Variants in EPO observed in about 807,000 individuals in gnomAD.
EPO encodes the protein erythropoietin.
EPO carries 12 observed loss-of-function variants against 24.4 expected under a neutral mutation model. The observed-to-expected ratio is 0.49, with a 90% CI of 0.32 to 0.80. The LOEUF (loss-of-function observed/expected upper bound fraction) is 0.80, where lower values mean the gene tolerates loss of function less well. Among genes scored for constraint, EPO ranks in the 30% least tolerant of loss-of-function variants. EPO has a pLI of 0.04. For synonymous variants in EPO, 107 were observed against 104.0 expected, an observed-to-expected ratio of 1.03 and a Z score of -0.18; for missense variants, 210 against 238.0, an observed-to-expected ratio of 0.88 and a Z score of 0.77.
rs762488723 is a variant in EPO, at chr7:100,722,788, A to G, written c.371A>G (p.Lys124Arg). The G allele has an allele frequency of 6.2e-7, 1 of 1,614,066 alleles. No homozygotes were observed. The highest frequency in any genetic ancestry group is 8.5e-7 in the Non-Finnish European group (1 of 1,180,006). The change falls in exon 4 of 5, where the codon AAA (lysine) becomes AGA (arginine). Residue 124 changes from lysine to arginine, a missense_variant. Transcript: ENST00000252723. ...GAGCCCCTGCAGCTGCATGTGGATA[A>G]AGCCGTCAGTGGCCTTCGCAGCCTC... is the stretch of plus-strand genomic sequence containing the variant. ...PWEPLQLHVD[K>R]AVSGLRSLTT...
chr7:100,720,828 C>T lies in EPO; in HGVS notation c.-153C>T. 3 of 931,380 alleles carry T rather than the reference C, an allele frequency of 3.2e-6. No homozygotes were observed. Among genetic ancestry groups the T allele is most frequent in the Non-Finnish European group, 4.3e-6 (3 of 696,496 alleles). 57.7% of individuals were successfully genotyped at this position (931,380 alleles called of 1,614,324 possible). A position where few individuals can be genotyped will look rare whatever the true frequency, so the allele number is the denominator to read the frequency against. ...GGAGCCGGACCGGGGCCACCGCGCC[C>T]GCTCTGCTCCGACACCGCGCCCCCT... On this transcript the variant is annotated 5_prime_UTR_variant, in exon 1 of 5. Transcript: ENST00000252723.
rs78182250 is a variant in EPO at position 100,723,400 on chromosome 7, C to G, written c.*267C>G. 16,367 of 376,740 alleles carry G rather than the reference C, an allele frequency of 0.043. 524 individuals are homozygous for G. Among genetic ancestry groups the G allele is most frequent in the Middle Eastern group, 0.15 (209 of 1,384 alleles). 23.3% of individuals were successfully genotyped at this position (376,740 alleles called of 1,614,324 possible). A position where few individuals can be genotyped will look rare whatever the true frequency, so the allele number is the denominator to read the frequency against. On this transcript the variant is annotated 3_prime_UTR_variant, in exon 5 of 5. Coordinates refer to ENST00000252723, the MANE Select transcript of EPO (RefSeq NM_000799.4). ...GCAGCTTTAAACTCAGGGACAGAGC[C>G]ATGCTGGGAAGACGCCTGAGCTCAC...
Position 100,723,459 on chromosome 7 carries a change from C to A in EPO, c.*326C>A, listed in dbSNP as rs984809541. 3.5e-5 allele frequency: 8 copies of A among 228,370 alleles called. No individual in the cohort carries two copies. The highest frequency in any genetic ancestry group is 6.0e-5 in the Non-Finnish European group (7 of 117,026). The allele number at this position is 228,370 out of a possible 1,614,324, so 14.1% of individuals were successfully genotyped here. On this transcript the variant is annotated 3_prime_UTR_variant, in exon 5 of 5. Coordinates refer to ENST00000252723, the MANE Select transcript of EPO (RefSeq NM_000799.4). ...CTGCAAAATTTGATGCCAGGACACGCTTTGGAGGCGATTTACCTGTTTTCG... is the reference window on the plus strand; with the variant it reads ...CTGCAAAATTTGATGCCAGGACACGATTTGGAGGCGATTTACCTGTTTTCG...
In EPO at chr7:100,722,053, G is replaced by A; in HGVS notation, c.246+5G>A. On this transcript the variant is annotated splice_donor_5th_base_variant and intron_variant, in intron 3 of 4. Transcript: ENST00000252723. ...TATGCCTGGAAGAGGATGGAGGTGA[G>A]TTCCTTTTTTTTTTTTTTTCCTTTC... 1 of 1,519,180 alleles carries A rather than the reference G, an allele frequency of 6.6e-7. No individual in the cohort carries two copies. The highest frequency in any genetic ancestry group is 8.9e-7 in the Non-Finnish European group (1 of 1,119,448). The allele number at this position is 1,519,180 out of a possible 1,614,324, so 94.1% of individuals were successfully genotyped here.
intron 4 of EPO, 35 bp downstream of exon 4, chr7:100,722,878 T>A: frequency 3.1e-6 from 5 of 1,608,606 alleles, no homozygotes; most frequent in Non-Finnish European, 4.2e-6. Context: ...TTGCCCTTTC[T>A]GTAAGAAGGG....
At position 100,720,813 on chromosome 7, in the gene EPO, C is replaced by T. The variant is rs761765700; in HGVS notation, c.-168C>T. ...CCGCGCTGTCCTCCCGGAGCCGGAC[C>T]GGGGCCACCGCGCCCGCTCTGCTCC... On this transcript the variant is annotated 5_prime_UTR_variant, in exon 1 of 5. Coordinates refer to ENST00000252723, the MANE Select transcript of EPO (RefSeq NM_000799.4). 9 of 771,110 alleles carry T rather than the reference C, an allele frequency of 1.2e-5. No homozygotes were observed. Among genetic ancestry groups the T allele is most frequent in the Non-Finnish European group, 1.1e-5 (6 of 548,768 alleles). The allele number at this position is 771,110 out of a possible 1,614,324, so 47.8% of individuals were successfully genotyped here. A position where few individuals can be genotyped will look rare whatever the true frequency, so the allele number is the denominator to read the frequency against.
In EPO at chr7:100,721,844, G is replaced by T; in HGVS notation, c.160-118G>T. ...GCCCCCCTACATAAGAATAAGTCTG[G>T]TGGCCCCAAACCATACCTGGAAACT... On this transcript the variant is annotated intron_variant, in intron 2 of 4. Coordinates refer to ENST00000252723, the MANE Select transcript of EPO (RefSeq NM_000799.4). The surrounding 1 kb of genome is among the most constrained non-coding windows in gnomAD (Gnocchi z 4.0). 1 of 1,506,626 alleles carries T rather than the reference G, an allele frequency of 6.6e-7. No homozygotes were observed. The allele number at this position is 1,506,626 out of a possible 1,614,324, so 93.3% of individuals were successfully genotyped here.
Position 100,720,552 on chromosome 7 carries a change from C to A in EPO, c.-429C>A, listed in dbSNP as rs933908220. Among the ~76,000 whole-genome samples the A allele has an allele frequency of 1.3e-5, 2 of 152,106 alleles. No homozygotes were observed. Among genetic ancestry groups the A allele is most frequent in the African/African-American group, 4.8e-5 (2 of 41,428 alleles). On this transcript the variant is annotated 5_prime_UTR_variant, in exon 1 of 5. Coordinates refer to ENST00000252723, the MANE Select transcript of EPO (RefSeq NM_000799.4). ...CCCGCGACCCAGGGCCCGGGAGCAG[C>A]CCCCATGACCCACACGCACGTCTGC...
chr7:100,720,951 G>C lies in EPO; in HGVS notation c.-30G>C. 6.4e-7 allele frequency: 1 copy of C among 1,555,666 alleles called. No individual in the cohort carries two copies. Among genetic ancestry groups the C allele is most frequent in the Non-Finnish European group, 8.7e-7 (1 of 1,153,488 alleles). On this transcript the variant is annotated 5_prime_UTR_variant, in exon 1 of 5. Transcript: ENST00000252723. ...GGTGTGGTCACCCGGCGCGCCCCAG[G>C]TCGCTGAGGGACCCCGGCCAGGCGC...
Position 100,723,081 on chromosome 7 carries a change from G to C in EPO, c.530G>C (p.Arg177Pro). ...TTCCGAGTCTACTCCAATTTCCTCC[G>C]GGGAAAGCTGAAGCTGTACACAGGG... is the stretch of plus-strand genomic sequence containing the variant. ...KLFRVYSNFL[R>P]GKLKLYTGEA... Residue 177 changes from arginine (R) to proline (P), a missense_variant, in exon 5 of 5, where the codon CGG becomes CCG. Physicochemically the swap from Arg to Pro is moderately radical, Grantham distance 103. Transcript: ENST00000252723. 1 of 1,614,038 alleles carries C rather than the reference G, an allele frequency of 6.2e-7. No homozygotes were observed. Among genetic ancestry groups the C allele is most frequent in the Non-Finnish European group, 8.5e-7 (1 of 1,180,020 alleles).
chr7:100,722,955 ACCT>A lies in EPO; in HGVS notation c.427-19_427-17del. On this transcript the variant is annotated intron_variant, in intron 4 of 4. Coordinates refer to ENST00000252723, the MANE Select transcript of EPO (RefSeq NM_000799.4). ...CTTCCCTTTCTGTGGCACTGCAGCG[ACCT>A]CCTGTTTTCTCCTTGGCAGAAGGAA... is the stretch of plus-strand genomic sequence containing the variant. 2 of 1,611,910 alleles carry A rather than the reference ACCT, an allele frequency of 1.2e-6. No individual in the cohort carries two copies. Among genetic ancestry groups the A allele is most frequent in the Non-Finnish European group, 1.7e-6 (2 of 1,179,144 alleles).
At position 100,723,038 on chromosome 7, in the gene EPO, G is replaced by C. The variant is rs201326665; in HGVS notation, c.487G>C (p.Asp163His). The change falls in exon 5 of 5, where the codon GAC (aspartate) becomes CAC (histidine). Residue 163 changes from aspartate to histidine, a missense_variant. Transcript: ENST00000252723. The part of the protein sequence containing the change: ...SAAPLRTITA[D>H]TFRKLFRVYS... ...TGCTCCACTCCGAACAATCACTGCT[G>C]ACACTTTCCGCAAACTCTTCCGAGT... 36 of 1,614,116 alleles carry C rather than the reference G, an allele frequency of 2.2e-5. No homozygotes were observed. The East Asian group carries it at 8.0e-4, about 36-fold the overall frequency.
At position 100,721,996 on chromosome 7, in the gene EPO, A is replaced by C. The variant is rs1806747968; in HGVS notation, c.194A>C (p.Asn65Thr). The part of the protein sequence containing the change: ...GCAEHCSLNE[N>T]ITVPDTKVNF... ...GCTGAACACTGCAGCTTGAATGAGA[A>C]TATCACTGTCCCAGACACCAAAGTT... Residue 65 changes from asparagine (N) to threonine (T), a missense_variant, in exon 3 of 5, where the codon AAT (asparagine) becomes ACT (threonine). By Grantham distance (65) the Asn-to-Thr change is moderately conservative (BLOSUM62 0). Transcript: ENST00000252723. The surrounding 1 kb of genome is among the most constrained non-coding windows in gnomAD (Gnocchi z 4.0). The C allele has an allele frequency of 3.1e-6, 5 of 1,613,202 alleles. No individual in the cohort carries two copies. The highest frequency in any genetic ancestry group is 3.4e-6 in the Non-Finnish European group (4 of 1,179,856).
rs1202462499 is a variant in EPO at position 100,721,651 on chromosome 7, G to A, written c.107G>A (p.Ser36Asn). The A allele has an allele frequency of 6.2e-7, 1 of 1,613,378 alleles. No homozygotes were observed. Among genetic ancestry groups the A allele is most frequent in the Non-Finnish European group, 8.5e-7 (1 of 1,180,010 alleles). Residue 36 changes from serine (S) to asparagine (N), a missense_variant, in exon 2 of 5, where the codon AGC (serine) becomes AAC (asparagine). Coordinates refer to ENST00000252723, the MANE Select transcript of EPO (RefSeq NM_000799.4). The surrounding 1 kb of genome is among the most constrained non-coding windows in gnomAD (Gnocchi z 4.0). ...LGAPPRLICD[S>N]RVLERYLLEA... ...GCCCCACCACGCCTCATCTGTGACA[G>A]CCGAGTCCTGGAGAGGTACCTCTTG... is the stretch of plus-strand genomic sequence containing the variant.
At position 100,720,946 on chromosome 7, in the gene EPO, C is replaced by T; in HGVS notation, c.-35C>T. 1 of 1,550,608 alleles carries T rather than the reference C, an allele frequency of 6.4e-7. No homozygotes were observed. The highest frequency in any genetic ancestry group is 8.7e-7 in the Non-Finnish European group (1 of 1,150,976). ...CCCCCGGTGTGGTCACCCGGCGCGCCCCAGGTCGCTGAGGGACCCCGGCCA... is the reference window on the plus strand; with the variant it reads ...CCCCCGGTGTGGTCACCCGGCGCGCTCCAGGTCGCTGAGGGACCCCGGCCA... On this transcript the variant is annotated 5_prime_UTR_variant, in exon 1 of 5. Transcript: ENST00000252723.
At chr7:100,722,883 G>T (rs1806769772) in intron 4 of EPO, 40 bp downstream of exon 4, 1 of 1,607,084 alleles carries the variant, frequency 6.2e-7, no homozygotes, top group African/African-American at 1.3e-5. Flanking sequence ...CTTTCTGTAA[G>T]AAGGGGAGAA....
At position 100,720,922 on chromosome 7, in the gene EPO, C is replaced by T. The variant is rs1806729344; in HGVS notation, c.-59C>T. 2 of 1,525,786 alleles carry T rather than the reference C, an allele frequency of 1.3e-6. No homozygotes were observed. The highest frequency in any genetic ancestry group is 1.8e-6 in the Non-Finnish European group (2 of 1,139,202). 94.5% of individuals were successfully genotyped at this position (1,525,786 alleles called of 1,614,324 possible). A position where few individuals can be genotyped will look rare whatever the true frequency, so the allele number is the denominator to read the frequency against. The stretch of plus-strand genomic sequence containing the variant: ...CCGCCGAGCTTCCCGGGATGAGGGC[C>T]CCCGGTGTGGTCACCCGGCGCGCCC... On this transcript the variant is annotated 5_prime_UTR_variant, in exon 1 of 5. Coordinates refer to ENST00000252723, the MANE Select transcript of EPO (RefSeq NM_000799.4).
In EPO at chr7:100,721,625, C is replaced by A; in HGVS notation, c.81C>A (p.Gly27=). The A allele has an allele frequency of 6.2e-7, 1 of 1,613,902 alleles. No individual in the cohort carries two copies. The highest frequency in any genetic ancestry group is 8.5e-7 in the Non-Finnish European group (1 of 1,180,022). The part of the protein sequence containing the change: ...LSLPLGLPVL[G]APPRLICDSR... ...TCCCTCTGGGCCTCCCAGTCCTGGG[C>A]GCCCCACCACGCCTCATCTGTGACA... Residue 27 remains glycine, a synonymous_variant, in exon 2 of 5, where the codon GGC becomes GGA. Transcript: ENST00000252723. The surrounding 1 kb of genome is among the most constrained non-coding windows in gnomAD (Gnocchi z 4.0).
In EPO at chr7:100,723,126, A is replaced by G. The variant is rs750759945; in HGVS notation, c.575A>G (p.Asp192Gly). The G allele has an allele frequency of 6.2e-7, 1 of 1,613,654 alleles. No individual in the cohort carries two copies. The highest frequency in any genetic ancestry group is 8.5e-7 in the Non-Finnish European group (1 of 1,179,814). Residue 192 changes from aspartate to glycine, a missense_variant, in exon 5 of 5, where the codon GAC becomes GGC. Transcript: ENST00000252723. ...LYTGEACRTG[D>G]R ...ACAGGGGAGGCCTGCAGGACAGGGG[A>G]CAGATGACCAGGTGTGTCCACCTGG...
Sources: gnomAD v4.1 joint callset for allele counts (sites outside exome capture counted in the v4.1 genomes callset) on GRCh38, gnomAD v4.1.1 for gene constraint, Gnocchi (gnomAD v3.1) non-coding constraint, MANE v1.5 for transcripts, NCBI Gene and HGNC (gene_info 2026-07-23, HGNC 2026-07-21) for gene names.